HNRNPUL1: variants seen among roughly 807,000 people sequenced by gnomAD.
HNRNPUL1 encodes heterogeneous nuclear ribonucleoprotein U-like protein 1.
A neutral mutation model predicts 108.5 loss-of-function variants in HNRNPUL1; 14 were observed. The ratio of observed to expected loss-of-function variants is 0.13; its 90% CI spans 0.09 to 0.20. HNRNPUL1 has a LOEUF of 0.20. Ranked by LOEUF, HNRNPUL1 falls within the 10% of genes least tolerant of loss-of-function variation. HNRNPUL1 has a pLI of 1.00. For synonymous variants in HNRNPUL1, 422 were observed against 445.2 expected, an observed-to-expected ratio of 0.95 and a Z score of 0.66; for missense variants, 804 against 1,168.3, an observed-to-expected ratio of 0.69 and a Z score of 4.55.
At position 41,264,398 on chromosome 19, in the gene HNRNPUL1, T is replaced by C. The variant is rs1234116382; in HGVS notation, c.-106T>C. ...TTTTGAGCCGCTGCCGCCATTGGAG[T>C]GGGCCCCCCCCCTTTCCCCCTTCGC... On this transcript the variant is annotated 5_prime_UTR_variant, in exon 1 of 15. Coordinates refer to ENST00000392006, the MANE Select transcript of HNRNPUL1 (RefSeq NM_007040.6). 3.0e-6 allele frequency: 3 copies of C among 991,044 alleles called. No individual in the cohort carries two copies. Among genetic ancestry groups the C allele is most frequent in the Non-Finnish European group, 4.0e-6 (3 of 756,314 alleles). 61.4% of individuals were successfully genotyped at this position (991,044 alleles called of 1,614,324 possible).
intron 1 of HNRNPUL1, among the ~76,000 whole-genome samples, chr19:41,267,435 ATTTC>A (rs2034919302): frequency 6.6e-6 from 1 of 152,114 alleles, no homozygotes; most frequent in Non-Finnish European, 1.5e-5. Flanking sequence ...AGATAATGCT[ATTTC>A]TTCCTCTCTC....
intron 7 of HNRNPUL1, among the ~76,000 whole-genome samples, chr19:41,290,185 G>T (rs1331225930): frequency 6.6e-6 from 1 of 152,134 alleles, no homozygotes; most frequent in Non-Finnish European, 1.5e-5. Flanking sequence ...AATAGAGAAA[G>T]AAATTATACT....
intron 10 of HNRNPUL1, among the ~76,000 whole-genome samples, chr19:41,299,524 G>A (rs892561052): frequency 6.6e-6 from 1 of 152,172 alleles, no homozygotes; most frequent in African/African-American, 2.4e-5. Context: ...AGTCAGTCCT[G>A]TAGGTCTTAT....
chr19:41,304,263 T>TTACAGCCAGCCACCCTACAACCAGG lies in HNRNPUL1; in HGVS notation c.2262+2_2262+3insTACAGCCAGCCACCCTACAACCAGG, dbSNP rs778053850. The TTACAGCCAGCCACCCTACAACCAGG allele has an allele frequency of 6.3e-7, 1 of 1,597,144 alleles. No homozygotes were observed. Among genetic ancestry groups the TTACAGCCAGCCACCCTACAACCAGG allele is most frequent in the Non-Finnish European group, 8.5e-7 (1 of 1,170,050 alleles). ...GTCAGCAGCTACAGCCCTCCACAGG[T>TTACAGCCAGCCACCCTACAACCAGG]GAGAGAATGAGTGTGTGTTTGTATG... On this transcript the variant is annotated splice_region_variant and intron_variant, in intron 13 of 14. Coordinates refer to ENST00000392006, the MANE Select transcript of HNRNPUL1 (RefSeq NM_007040.6).
chr19:41,273,259 C>G (rs564111078), intron 3 of HNRNPUL1, among the ~76,000 whole-genome samples: 4 of 152,174 alleles, frequency 2.6e-5, no homozygotes, highest in Admixed American at 2.6e-4. Flanking sequence ...CAGAGGGGCC[C>G]TCCACCAGAG....
chr19:41,289,709 T>C (rs1425254254), intron 7 of HNRNPUL1, among the ~76,000 whole-genome samples: 1 of 142,636 alleles, frequency 7.0e-6, no homozygotes, highest in East Asian at 2.0e-4. Context: ...CTGCTCTCCA[T>C]GGTCTTTTTT....
At chr19:41,287,378 A>G (rs1250015506) in intron 7 of HNRNPUL1, among the ~76,000 whole-genome samples, 3 of 152,084 alleles carry the variant, frequency 2.0e-5, no homozygotes, top group Non-Finnish European at 2.9e-5. Flanking sequence ...ATATAATGCT[A>G]TTATCTACTG....
At chr19:41,282,752 G>T (rs2035976050) in intron 7 of HNRNPUL1, among the ~76,000 whole-genome samples, 1 of 147,856 alleles carries the variant, frequency 6.8e-6, no homozygotes, top group Non-Finnish European at 1.5e-5. Context: ...TGCAGTGGCG[G>T]GATCTCGGCT....
intron 7 of HNRNPUL1, among the ~76,000 whole-genome samples, chr19:41,284,719 C>T (rs959334502): frequency 3.3e-5 from 5 of 151,926 alleles, no homozygotes; most frequent in African/African-American, 1.2e-4. Flanking sequence ...GCATACCTGC[C>T]GGGCACGGTG....
chr19:41,281,829 C>T (rs1334849017), intron 7 of HNRNPUL1, among the ~76,000 whole-genome samples: 1 of 152,180 alleles, frequency 6.6e-6, no homozygotes, highest in African/African-American at 2.4e-5. Flanking sequence ...GTATGGCTGT[C>T]AGCTCTGGGC....
chr19:41,294,199 G>A lies in HNRNPUL1; in HGVS notation c.1267-139G>A. The A allele has an allele frequency of 2.3e-6, 2 of 854,908 alleles. No individual in the cohort carries two copies. Among genetic ancestry groups the A allele is most frequent in the South Asian group, 3.2e-5 (2 of 62,034 alleles). 53.0% of individuals were successfully genotyped at this position (854,908 alleles called of 1,614,324 possible). ...CTTTTTGAATCCCGATACCAGTACT[G>A]TGAGGTAGATGGTATTACTGCTTCC... On this transcript the variant is annotated intron_variant, in intron 8 of 14. Coordinates refer to ENST00000392006, the MANE Select transcript of HNRNPUL1 (RefSeq NM_007040.6). The surrounding 1 kb of genome is among the most constrained non-coding windows in gnomAD (Gnocchi z 4.3).
intron 7 of HNRNPUL1, among the ~76,000 whole-genome samples, chr19:41,289,973 A>G (rs2036488289): frequency 6.6e-6 from 1 of 151,530 alleles, no homozygotes; most frequent in East Asian, 1.9e-4. Flanking sequence ...GGCCTCCCAA[A>G]ATGCTGGGAT....
chr19:41,295,858 A>G (rs2036862526), intron 10 of HNRNPUL1, among the ~76,000 whole-genome samples: 1 of 152,206 alleles, frequency 6.6e-6, no homozygotes, highest in Non-Finnish European at 1.5e-5. Context: ...AGGATCCTAC[A>G]CAAAACAGTT....
rs58368849 is a variant in HNRNPUL1, at chr19:41,302,214, GTTTTTT to G, written c.1688-435_1688-430del. Among the ~76,000 whole-genome samples the G allele has an allele frequency of 1.9e-4, 18 of 92,436 alleles. No individual in the cohort carries two copies. In the South Asian group the frequency reaches 6.3e-3, roughly 32 times the overall value. 60.6% of individuals were successfully genotyped at this position (92,436 alleles called of 152,430 possible). A position where few individuals can be genotyped will look rare whatever the true frequency, so the allele number is the denominator to read the frequency against. On this transcript the variant is annotated intron_variant, in intron 11 of 14. Coordinates refer to ENST00000392006, the MANE Select transcript of HNRNPUL1 (RefSeq NM_007040.6). ...TGTCTACCTCTTTCTCTCTCTCTCTGTTTTTTTTTTTTTTTTTTTTTGGAGAGGGAG... is the reference window on the plus strand; with the variant it reads ...TGTCTACCTCTTTCTCTCTCTCTCTGTTTTTTTTTTTTTTTGGAGAGGGAG...
rs746038833 is a variant in HNRNPUL1 at position 41,302,762 on chromosome 19, C to T, written c.1785C>T (p.Asn595=). 16 of 1,613,802 alleles carry T rather than the reference C, an allele frequency of 9.9e-6. No homozygotes were observed. Among genetic ancestry groups the T allele is most frequent in the African/African-American group, 1.3e-5 (1 of 74,906 alleles). ...CGGACAAGCTAGTGAGGCAGTACAA[C>T]GAGGAAGGCCGCAAGGCTGGGCCAC... ...EEADKLVRQY[N]EEGRKAGPPP... Residue 595 remains asparagine (N), a synonymous_variant, in exon 12 of 15, where the codon AAC becomes AAT. Transcript: ENST00000392006.
Position 41,301,623 on chromosome 19 carries a change from G to A in HNRNPUL1, c.1606G>A (p.Glu536Lys), listed in dbSNP as rs747516113. Residue 536 changes from glutamate (E) to lysine (K), a missense_variant, in exon 11 of 15, where the codon GAG becomes AAG. Coordinates refer to ENST00000392006, the MANE Select transcript of HNRNPUL1 (RefSeq NM_007040.6). Reference protein sequence around the residue: ...RKAIVICPTDEDLKDRTIKRT... With the variant: ...RKAIVICPTDKDLKDRTIKRT... Reference sequence around the variant, plus strand: ...AGCTATTGTAATTTGTCCCACTGACGAGGACCTAAAAGACCGAACAATAAA... The same window carrying A: ...AGCTATTGTAATTTGTCCCACTGACAAGGACCTAAAAGACCGAACAATAAA... 4.3e-6 allele frequency: 7 copies of A among 1,614,158 alleles called. No homozygotes were observed. The highest frequency in any genetic ancestry group is 1.6e-4 in the Middle Eastern group (1 of 6,062).
Position 41,271,265 on chromosome 19 carries a change from G to T in HNRNPUL1, c.419-817G>T, listed in dbSNP as rs189647220. On this transcript the variant is annotated intron_variant, in intron 2 of 14. Transcript: ENST00000392006. The stretch of plus-strand genomic sequence containing the variant: ...ATTTGTGTCAGGCTCTGTGAGACTT[G>T]TAGGATCATTCAGCCACAGGAGAAT... 5.9e-5 allele frequency among the ~76,000 whole-genome samples: 9 copies of T among 152,324 alleles called. No homozygotes were observed. In the East Asian group the frequency reaches 1.7e-3, roughly 29 times the overall value.
At position 41,265,335 on chromosome 19, in the gene HNRNPUL1, C is replaced by T. The variant is rs779400036; in HGVS notation, c.295+537C>T. On this transcript the variant is annotated intron_variant, in intron 1 of 14. Coordinates refer to ENST00000392006, the MANE Select transcript of HNRNPUL1 (RefSeq NM_007040.6). ...CGCTGGATGCGATCCTGGGCGTTCT[C>T]CTATTTGGGTACGGGGGTGGGTGGG... The T allele has an allele frequency of 5.9e-5, 89 of 1,501,724 alleles. No homozygotes were observed. In the East Asian group the frequency reaches 7.4e-4, roughly 13 times the overall value. The allele number at this position is 1,501,724 out of a possible 1,614,324, so 93.0% of individuals were successfully genotyped here.
At position 41,307,594 on chromosome 19, in the gene HNRNPUL1, CTTA is replaced by C. The variant is rs945714178; in HGVS notation, c.*1033_*1035del. 2.6e-5 allele frequency: 4 copies of C among 152,562 alleles called. No individual in the cohort carries two copies. The highest frequency in any genetic ancestry group is 9.7e-5 in the African/African-American group (4 of 41,404). The allele number at this position is 152,562 out of a possible 1,614,324, so 9.5% of individuals were successfully genotyped here. A position where few individuals can be genotyped will look rare whatever the true frequency, so the allele number is the denominator to read the frequency against. On this transcript the variant is annotated 3_prime_UTR_variant, in exon 15 of 15. Coordinates refer to ENST00000392006, the MANE Select transcript of HNRNPUL1 (RefSeq NM_007040.6). ...TTTAACATGATTTTAACAAACTGCA[CTTA>C]TTAAGAAATGTGTTTGCCCTGTTTT...
Sources: allele counts gnomAD v4.1 joint callset (sites outside exome capture counted in the v4.1 genomes callset), GRCh38; gene constraint gnomAD v4.1.1; non-coding constraint Gnocchi (gnomAD v3.1); transcripts MANE v1.5; gene names NCBI Gene and HGNC (gene_info 2026-07-23, HGNC 2026-07-21).